PHIP: variants seen among roughly 807,000 people sequenced by gnomAD.
PHIP encodes the protein PHIP subunit of CUL4-Ring ligase complex, also known as PH-interacting protein.
PHIP carries 54 observed loss-of-function variants against 236.8 expected under a neutral mutation model. The observed-to-expected ratio is 0.23, with a 90% CI of 0.18 to 0.29. The LOEUF is 0.29. Among genes scored for constraint, PHIP ranks in the 10% least tolerant of loss-of-function variants. The pLI is 1.00. For synonymous variants in PHIP, 756 were observed against 718.9 expected (o/e 1.05, Z -0.83); for missense variants, 1,370 against 2,190.8 (o/e 0.63, Z 7.48).
intron 39 of PHIP, among the ~76,000 whole-genome samples, chr6:78,943,172 T>C (rs1773589603): frequency 6.6e-6 from 1 of 152,166 alleles, no homozygotes; most frequent in Admixed American, 6.5e-5. Context: ...GAGTACAAAA[T>C]TTAAAATTAC....
intron 24 of PHIP, among the ~76,000 whole-genome samples, chr6:78,974,672 A>T (rs1767908318): frequency 6.6e-6 from 1 of 152,228 alleles, no homozygotes; most frequent in African/African-American, 2.4e-5. Context: ...TAGATGCAAT[A>T]AAAAATGATA....
intron 15 of PHIP, among the ~76,000 whole-genome samples, chr6:79,010,351 G>A (rs1488542929): frequency 1.3e-5 from 2 of 151,422 alleles, no homozygotes; most frequent in Admixed American, 1.3e-4. Flanking sequence ...TTGGAACGTT[G>A]CAAGGAGAAA....
At chr6:79,068,900 T>C (rs1773755320) in intron 4 of PHIP, among the ~76,000 whole-genome samples, 1 of 152,128 alleles carries the variant, frequency 6.6e-6, no homozygotes, top group Admixed American at 6.6e-5. Flanking sequence ...AAGACCCTGC[T>C]GTTTGGCACC....
chr6:79,037,702 TAGC>T (rs1368292845), intron 7 of PHIP, among the ~76,000 whole-genome samples: 2 of 152,230 alleles, frequency 1.3e-5, no homozygotes, highest in African/African-American at 4.8e-5. Context: ...CGAAGTACAG[TAGC>T]AGAGAGGAAC....
At chr6:78,993,018 G>A (rs12208915) in intron 19 of PHIP, among the ~76,000 whole-genome samples, 16,748 of 152,264 alleles carry the variant, frequency 0.11, 1,243 homozygotes, top group Non-Finnish European at 0.15. Flanking sequence ...TGCTACTCCA[G>A]TGAACACAGG....
chr6:79,022,120 A>G (rs1771149190), intron 9 of PHIP, among the ~76,000 whole-genome samples: 1 of 152,200 alleles, frequency 6.6e-6, no homozygotes, highest in East Asian at 1.9e-4. Context: ...ACATTTTTAA[A>G]AAGGGCCTTG....
intron 7 of PHIP, among the ~76,000 whole-genome samples, chr6:79,039,052 G>T (rs1772079807): frequency 6.6e-6 from 1 of 151,988 alleles, no homozygotes; most frequent in Non-Finnish European, 1.5e-5. Context: ...ATAGATCACT[G>T]CCAGAAACTT....
At chr6:78,970,749 T>C (rs768459264) in intron 25 of PHIP, 32 bp downstream of exon 25, 38 of 1,329,022 alleles carry the variant, frequency 2.9e-5, no homozygotes, top group Non-Finnish European at 3.8e-5. Flanking sequence ...ATTGTATTTT[T>C]GGGGCTATTA....
intron 4 of PHIP, 40 bp downstream of exon 4, chr6:79,077,408 C>T (rs1318230512): frequency 1.3e-6 from 2 of 1,531,750 alleles, no homozygotes; most frequent in Admixed American, 3.4e-5. Context: ...TTATTCGACT[C>T]AGGGAAAAGT....
rs376565558 is a variant in PHIP at position 78,985,393 on chromosome 6, G to A, written c.2496C>T (p.Ser832=). ...GEVVAVSGGT[S]EEEERAWHSD... ...TGTGCCATGCTCTCTCTTCTTCTTC[G>A]GATGTTCCACCACTGACAGCAACTA... is the stretch of plus-strand genomic sequence containing the variant. Residue 832 remains serine, a synonymous_variant, in exon 22 of 40, where the codon TCC becomes TCT. Transcript: ENST00000275034. 8.7e-6 allele frequency: 14 copies of A among 1,601,348 alleles called. No homozygotes were observed. The highest frequency in any genetic ancestry group is 4.4e-5 in the South Asian group (4 of 90,808).
chr6:79,068,174 G>A (rs555546855), intron 4 of PHIP: 6 of 152,378 alleles, frequency 3.9e-5, no homozygotes, highest in South Asian at 2.1e-4. Context: ...TTTAAAATGC[G>A]AAATCTCACT....
At chr6:78,944,727 C>T (rs763756830) in intron 39 of PHIP, among the ~76,000 whole-genome samples, 1 of 152,196 alleles carries the variant, frequency 6.6e-6, no homozygotes, top group Non-Finnish European at 1.5e-5. Flanking sequence ...GTCTTAGACA[C>T]ACTTTGAAAG....
chr6:79,012,276 A>G (rs1014739224), intron 15 of PHIP, among the ~76,000 whole-genome samples: 6 of 151,910 alleles, frequency 3.9e-5, no homozygotes, highest in Non-Finnish European at 7.4e-5. Flanking sequence ...GATAAAAACC[A>G]GTATTTAAGA....
intron 30 of PHIP, among the ~76,000 whole-genome samples, chr6:78,962,189 A>G (rs894316954): frequency 6.6e-6 from 1 of 152,122 alleles, no homozygotes; most frequent in African/African-American, 2.4e-5. Context: ...CTAACCTTTG[A>G]CTTTCTCAAA....
intron 4 of PHIP, among the ~76,000 whole-genome samples, chr6:79,068,717 C>A (rs538559041): frequency 1.3e-5 from 2 of 152,244 alleles, no homozygotes; most frequent in African/African-American, 4.8e-5. Flanking sequence ...TACATATTGA[C>A]CCTTCGTGTT....
chr6:79,062,533 G>T (rs556288822), intron 4 of PHIP, among the ~76,000 whole-genome samples: 1 of 152,222 alleles, frequency 6.6e-6, no homozygotes, highest in African/African-American at 2.4e-5. Flanking sequence ...TTACTTTAAA[G>T]AAGATGGAAG....
intron 4 of PHIP, among the ~76,000 whole-genome samples, chr6:79,070,862 AT>A (rs1465330251): frequency 6.6e-6 from 1 of 152,084 alleles, no homozygotes; most frequent in Admixed American, 6.5e-5. Flanking sequence ...TTTTTTATGT[AT>A]TTTTTTCTAA....
intron 4 of PHIP, among the ~76,000 whole-genome samples, chr6:79,061,398 T>C (rs1773370505): frequency 6.6e-6 from 1 of 152,142 alleles, no homozygotes; most frequent in East Asian, 1.9e-4. Context: ...AATAACACTA[T>C]ATTAGTTGTT....
intron 17 of PHIP, among the ~76,000 whole-genome samples, chr6:79,001,250 A>G (rs1335325704): frequency 1.3e-5 from 2 of 152,112 alleles, no homozygotes; most frequent in African/African-American, 4.8e-5. Context: ...AAAGAGGGAA[A>G]GCAGTTTGTA....
Sources: gnomAD v4.1 joint callset for allele counts (sites outside exome capture counted in the v4.1 genomes callset) on GRCh38, gnomAD v4.1.1 for gene constraint, MANE v1.5 for transcripts, NCBI Gene and HGNC (gene_info 2026-07-23, HGNC 2026-07-21) for gene names.